RBFOX1: variants seen among roughly 807,000 people sequenced by gnomAD.
RBFOX1 encodes RNA binding protein fox-1 homolog 1.
A neutral mutation model predicts 57.7 loss-of-function variants in RBFOX1; 8 were observed. The ratio of observed to expected loss-of-function variants is 0.14; its 90% CI spans 0.08 to 0.25. The LOEUF is 0.25. RBFOX1 is among the 10% of genes least tolerant of loss of function. The pLI is 1.00. For missense variants in RBFOX1, 611 were observed against 548.5 expected (o/e 1.11, Z -1.14); for synonymous variants, 326 against 222.4 (o/e 1.47, Z -4.15).
chr16:6,819,028 G>C (rs1764000718), intron 3 of RBFOX1, among the ~76,000 whole-genome samples: 2 of 152,186 alleles, frequency 1.3e-5, no homozygotes, highest in Admixed American at 1.3e-4. Flanking sequence ...AAGTAACAGA[G>C]ATGGACTATC....
At chr16:7,554,477 G>A (rs565895792) in intron 5 of RBFOX1, among the ~76,000 whole-genome samples, 25 of 152,286 alleles carry the variant, frequency 1.6e-4, no homozygotes, top group African/African-American at 5.3e-4. Flanking sequence ...AAATTCCCAA[G>A]TTCAGCCTGA....
chr16:6,395,698 A>G (rs753147803), intron 2 of RBFOX1, among the ~76,000 whole-genome samples: 2 of 152,164 alleles, frequency 1.3e-5, no homozygotes, highest in South Asian at 2.1e-4. Context: ...TACCATCTAT[A>G]TACTTATATA....
chr16:5,681,349 G>A (rs1387829352), intron 3 of RBFOX1, among the ~76,000 whole-genome samples: 2 of 148,712 alleles, frequency 1.3e-5, no homozygotes, highest in Non-Finnish European at 3.0e-5. Context: ...CTCCCAAAGT[G>A]TTGGGATTAC....
chr16:7,177,717 G>C (rs533329675), intron 4 of RBFOX1, among the ~76,000 whole-genome samples: 126 of 152,266 alleles, frequency 8.3e-4, no homozygotes, highest in African/African-American at 3.0e-3. Context: ...TCTGTGAGGA[G>C]CCAGGTCATA....
intron 4 of RBFOX1, among the ~76,000 whole-genome samples, chr16:5,908,219 TATATACAC>T (rs1213570570): frequency 1.4e-5 from 2 of 145,242 alleles, no homozygotes; most frequent in Non-Finnish European, 3.0e-5. Flanking sequence ...TATATATACA[TATATACAC>T]ACATATATAT....
intron 2 of RBFOX1, among the ~76,000 whole-genome samples, chr16:5,511,379 G>C (rs1000767638): frequency 6.6e-6 from 1 of 152,050 alleles, no homozygotes; most frequent in African/African-American, 2.4e-5. Flanking sequence ...GGTGGTGGGG[G>C]GTGCCTTTAT....
intron 3 of RBFOX1, among the ~76,000 whole-genome samples, chr16:6,799,894 C>T (rs1205812856): frequency 1.3e-5 from 2 of 152,164 alleles, no homozygotes; most frequent in African/African-American, 4.8e-5. Flanking sequence ...TCATTACTGG[C>T]TTCCTTGCTC....
chr16:6,345,401 TC>T (rs1353028543), intron 2 of RBFOX1, among the ~76,000 whole-genome samples: 6 of 152,222 alleles, frequency 3.9e-5, no homozygotes, highest in Non-Finnish European at 8.8e-5. Flanking sequence ...TACAGACATT[TC>T]TAGGAAATGG....
intron 3 of RBFOX1, among the ~76,000 whole-genome samples, chr16:6,828,078 T>C (rs1567440536): frequency 1.3e-5 from 2 of 152,156 alleles, no homozygotes; most frequent in Non-Finnish European, 2.9e-5. Context: ...CTAAGATGCA[T>C]GCAGTTATGA....
At chr16:5,597,861 G>C (rs1290187107) in intron 2 of RBFOX1, among the ~76,000 whole-genome samples, 2 of 152,272 alleles carry the variant, frequency 1.3e-5, no homozygotes, top group African/African-American at 2.4e-5. Flanking sequence ...TCAAGCTGAG[G>C]CTCCACTGCA....
At chr16:6,946,574 G>A (rs1186637124) in intron 3 of RBFOX1, among the ~76,000 whole-genome samples, 4 of 152,044 alleles carry the variant, frequency 2.6e-5, no homozygotes, top group Non-Finnish European at 5.9e-5. Context: ...TTTAAAACCT[G>A]TTCTCCAAGA....
At chr16:6,459,838 G>A (rs2094868912) in intron 2 of RBFOX1, among the ~76,000 whole-genome samples, 1 of 151,672 alleles carries the variant, frequency 6.6e-6, no homozygotes, top group African/African-American at 2.4e-5. Context: ...TACAAAATTA[G>A]CTGGATGTGG....
intron 1 of RBFOX1, among the ~76,000 whole-genome samples, chr16:5,438,518 A>G: frequency 6.6e-6 from 1 of 152,140 alleles, no homozygotes; most frequent in Non-Finnish European, 1.5e-5. Flanking sequence ...TGATCTCACC[A>G]GATATGCCCC....
rs116241789 is a variant in RBFOX1, at chr16:5,965,321, C to T, written c.351+97986C>T. Among the ~76,000 whole-genome samples, 517 of 152,286 alleles carry T rather than the reference C, an allele frequency of 3.4e-3. 1 individual carries two copies. Among genetic ancestry groups the T allele is most frequent in the African/African-American group, 0.012 (501 of 41,544 alleles). On this transcript the variant is annotated intron_variant, in intron 4 of 19. Coordinates refer to the RBFOX1 transcript ENST00000641259. ...ATGTTCTTACCACAAGCAAACGTAG[C>T]TGTGTGAAGTGATTGATATGTTAAT...
chr16:6,946,586 C>A (rs904699686), intron 3 of RBFOX1, among the ~76,000 whole-genome samples: 8 of 152,060 alleles, frequency 5.3e-5, no homozygotes, highest in Admixed American at 2.6e-4. Flanking sequence ...TCTCCAAGAA[C>A]CTTTTTTTCA....
At chr16:7,204,144 C>G (rs150328946) in intron 4 of RBFOX1, among the ~76,000 whole-genome samples, 17 of 152,218 alleles carry the variant, frequency 1.1e-4, no homozygotes, top group African/African-American at 1.7e-4. Context: ...TCTGCAGATA[C>G]CTGCCAGAAG....
At chr16:6,226,298 G>A (rs1182686095) in intron 1 of RBFOX1, among the ~76,000 whole-genome samples, 10 of 148,058 alleles carry the variant, frequency 6.8e-5, no homozygotes, top group Admixed American at 2.7e-4. Flanking sequence ...ACTTGAACCC[G>A]GGAGGTGGAG....
intron 3 of RBFOX1, among the ~76,000 whole-genome samples, chr16:6,793,729 A>G (rs1203627888): frequency 2.0e-5 from 3 of 152,202 alleles, no homozygotes; most frequent in Admixed American, 2.0e-4. Flanking sequence ...GAGTATATTA[A>G]ATTAAAATAA....
intron 13 of RBFOX1, among the ~76,000 whole-genome samples, chr16:7,675,168 C>T (rs2072892799): frequency 6.6e-6 from 1 of 152,118 alleles, no homozygotes; most frequent in East Asian, 1.9e-4. Flanking sequence ...TTTATGAAAG[C>T]CAAGAAGATG....
Sources: allele counts gnomAD v4.1 joint callset (sites outside exome capture counted in the v4.1 genomes callset), GRCh38; gene constraint gnomAD v4.1.1; transcripts MANE v1.5; gene names NCBI Gene and HGNC (gene_info 2026-07-23, HGNC 2026-07-21).